The following NDST4 variants were observed in gnomAD, a reference collection of about 807,000 sequenced individuals.
NDST4 encodes the protein N-deacetylase and N-sulfotransferase 4.
In NDST4, 63 loss-of-function variants were observed where a neutral mutation model predicts 100.8. The observed-to-expected ratio is 0.62, with a 90% CI of 0.51 to 0.77. The LOEUF (loss-of-function observed/expected upper bound fraction) is 0.77. Ranked by LOEUF, NDST4 falls within the 30% of genes least tolerant of loss-of-function variation. The pLI, the probability that NDST4 is intolerant of heterozygous loss-of-function variation, is 0.00. For missense variants in NDST4, 943 were observed against 1,018.4 expected (o/e 0.93, Z 1.01); for synonymous variants, 377 against 361.8 (o/e 1.04, Z -0.48).
chr4:115,058,634 A>C (rs1728752062), intron 2 of NDST4, among the ~76,000 whole-genome samples: 1 of 152,122 alleles, frequency 6.6e-6, no homozygotes, highest in Non-Finnish European at 1.5e-5. Context: ...TTTAAAATAA[A>C]GATGTGCTTT....
At chr4:115,048,255 A>G (rs1202584164) in intron 2 of NDST4, among the ~76,000 whole-genome samples, 1 of 152,190 alleles carries the variant, frequency 6.6e-6, no homozygotes, top group East Asian at 1.9e-4. Context: ...TGAAAAAATT[A>G]CCAAAAGAAA....
intron 7 of NDST4, among the ~76,000 whole-genome samples, chr4:114,854,338 T>C (rs895852795): frequency 3.3e-5 from 5 of 152,236 alleles, no homozygotes; most frequent in Non-Finnish European, 5.9e-5. Context: ...TAGTACTTCA[T>C]TGTGTATAAG....
At chr4:115,026,674 C>CT (rs1003002381) in intron 2 of NDST4, among the ~76,000 whole-genome samples, 1 of 136,064 alleles carries the variant, frequency 7.3e-6, no homozygotes, top group African/African-American at 2.8e-5. Context: ...CATCATTTTT[C>CT]TTTTTTTGGC....
At chr4:114,965,026 T>G in intron 4 of NDST4, among the ~76,000 whole-genome samples, 1 of 152,120 alleles carries the variant, frequency 6.6e-6, no homozygotes, top group Non-Finnish European at 1.5e-5. Flanking sequence ...GTGTAAAGAT[T>G]TTTTTATTTG....
intron 6 of NDST4, among the ~76,000 whole-genome samples, chr4:114,927,153 G>A (rs535026443): frequency 9.9e-5 from 15 of 151,012 alleles, no homozygotes; most frequent in African/African-American, 3.2e-4. Context: ...CATTTCCTCC[G>A]ATCTTATAAT....
At position 115,046,106 on chromosome 4, in the gene NDST4, G is replaced by A. The variant is rs137863556; in HGVS notation, c.978+29953C>T. 1.3e-3 allele frequency among the ~76,000 whole-genome samples: 204 copies of A among 152,212 alleles called. 2 individuals are homozygous for A. Among genetic ancestry groups the A allele is most frequent in the African/African-American group, 4.7e-3 (197 of 41,552 alleles). On this transcript the variant is annotated intron_variant, in intron 2 of 13. Coordinates refer to ENST00000264363, the MANE Select transcript of NDST4 (RefSeq NM_022569.3). ...CTGGTAGTTACACAGATATACCTGC[G>A]ACTCTCAGACGCCATCCAGGCCAAT...
chr4:114,839,658 ATG>A, intron 10 of NDST4, 110 bp from the exon 11 acceptor site: 1 of 811,606 alleles, frequency 1.2e-6, no homozygotes, highest in Non-Finnish European at 1.9e-6. Flanking sequence ...GTATGTATAA[ATG>A]TGTGTGTCCT....
chr4:114,857,812 C>T (rs1723830194), intron 7 of NDST4, among the ~76,000 whole-genome samples: 2 of 152,100 alleles, frequency 1.3e-5, no homozygotes, highest in African/African-American at 2.4e-5. Context: ...GGACAGGCAA[C>T]TTGAAGGAAC....
chr4:115,070,930 C>T (rs1441041426), intron 2 of NDST4, among the ~76,000 whole-genome samples: 1 of 151,872 alleles, frequency 6.6e-6, no homozygotes, highest in Non-Finnish European at 1.5e-5. Flanking sequence ...CATGGTGAAA[C>T]CTTGTCTCTA....
At chr4:115,057,327 A>C (rs1221596933) in intron 2 of NDST4, among the ~76,000 whole-genome samples, 1 of 150,440 alleles carries the variant, frequency 6.6e-6, no homozygotes, top group African/African-American at 2.5e-5. Flanking sequence ...AGCAACTGGG[A>C]GGAGGAAGGA....
intron 6 of NDST4, among the ~76,000 whole-genome samples, chr4:114,898,203 G>T (rs1041984820): frequency 2.0e-5 from 3 of 152,078 alleles, no homozygotes; most frequent in Non-Finnish European, 2.9e-5. Flanking sequence ...AATTTAGGTA[G>T]GTCTATGATC....
chr4:114,964,624 A>T (rs1000432743), intron 4 of NDST4, among the ~76,000 whole-genome samples: 1 of 152,298 alleles, frequency 6.6e-6, no homozygotes, highest in Middle Eastern at 3.4e-3. Context: ...AATTAACATG[A>T]TATCTACCTT....
In NDST4 at chr4:114,969,517, C is replaced by G. The variant is rs78658528; in HGVS notation, c.1221+913G>C. Among the ~76,000 whole-genome samples, 8 of 152,174 alleles carry G rather than the reference C, an allele frequency of 5.3e-5. No homozygotes were observed. The East Asian group carries it at 1.4e-3, about 26-fold the overall frequency. On this transcript the variant is annotated intron_variant, in intron 4 of 13. Transcript: ENST00000264363. ...GGGTTTGGTGTTCCCTTCTTTGTGT[C>G]CATGTGTACTCAGTGTTTAGCTCAC...
At chr4:114,915,554 A>G (rs1725151041) in intron 6 of NDST4, among the ~76,000 whole-genome samples, 1 of 152,212 alleles carries the variant, frequency 6.6e-6, no homozygotes. Flanking sequence ...AAGTCTTAAC[A>G]ATAGTTACCT....
chr4:115,029,942 T>G (rs1312233206), intron 2 of NDST4, among the ~76,000 whole-genome samples: 1 of 152,134 alleles, frequency 6.6e-6, no homozygotes, highest in Non-Finnish European at 1.5e-5. Flanking sequence ...CATAATTTTG[T>G]GATAAACCAG....
intron 1 of NDST4, among the ~76,000 whole-genome samples, chr4:115,107,772 A>G (rs1729860038): frequency 6.6e-6 from 1 of 152,120 alleles, no homozygotes; most frequent in Non-Finnish European, 1.5e-5. Context: ...ATAATAGAAA[A>G]TATTTATTTT....
At chr4:115,024,355 C>A (rs1727931764) in intron 2 of NDST4, among the ~76,000 whole-genome samples, 1 of 152,110 alleles carries the variant, frequency 6.6e-6, no homozygotes, top group Admixed American at 6.6e-5. Context: ...CTGAGGCCTG[C>A]AAAGCCAAAG....
chr4:114,967,457 T>G (rs185587496), intron 4 of NDST4, among the ~76,000 whole-genome samples: 1 of 152,254 alleles, frequency 6.6e-6, no homozygotes, highest in Admixed American at 6.5e-5. Flanking sequence ...CATCTGAGTC[T>G]TCTCAGAGCT....
intron 4 of NDST4, among the ~76,000 whole-genome samples, chr4:114,958,764 T>C (rs896012426): frequency 6.6e-6 from 1 of 152,226 alleles, no homozygotes; most frequent in Non-Finnish European, 1.5e-5. Flanking sequence ...TATGCAAATT[T>C]CTGCACCCAG....
Sources: gnomAD v4.1 joint callset for allele counts (sites outside exome capture counted in the v4.1 genomes callset) on GRCh38, gnomAD v4.1.1 for gene constraint, MANE v1.5 for transcripts, NCBI Gene and HGNC (gene_info 2026-07-23, HGNC 2026-07-21) for gene names.